PARD3: variants seen among roughly 807,000 people sequenced by gnomAD.
PARD3 encodes the protein partitioning defective 3 homolog.
PARD3 carries 75 observed loss-of-function variants against 155.4 expected under a neutral mutation model. The ratio of observed to expected loss-of-function variants is 0.48; its 90% CI spans 0.40 to 0.58. The LOEUF (loss-of-function observed/expected upper bound fraction) is 0.58. Among genes scored for constraint, PARD3 ranks in the 20% least tolerant of loss-of-function variants. PARD3 has a pLI of 0.00. For synonymous variants in PARD3, 576 were observed against 610.5 expected (o/e 0.94, Z 0.83); for missense variants, 1,642 against 1,721.7 (o/e 0.95, Z 0.82).
chr10:34,246,437 G>C (rs1372492920), intron 22 of PARD3, among the ~76,000 whole-genome samples: 3 of 152,188 alleles, frequency 2.0e-5, no homozygotes, highest in African/African-American at 7.2e-5. Flanking sequence ...GGCTTTCTGG[G>C]CACTGCAGTG....
chr10:34,690,689 T>G (rs1263729080), intron 2 of PARD3, among the ~76,000 whole-genome samples: 1 of 151,960 alleles, frequency 6.6e-6, no homozygotes, highest in African/African-American at 2.4e-5. Context: ...CCTCGCTAGC[T>G]CTATGGAAAG....
At chr10:34,362,734 A>G (rs762676415) in intron 12 of PARD3, among the ~76,000 whole-genome samples, 14 of 152,214 alleles carry the variant, frequency 9.2e-5, no homozygotes, top group Non-Finnish European at 1.8e-4. Flanking sequence ...GGCTCAAGCA[A>G]TCCACGCACT....
chr10:34,218,399 C>T (rs1348432291), intron 22 of PARD3, among the ~76,000 whole-genome samples: 7 of 152,130 alleles, frequency 4.6e-5, no homozygotes, highest in African/African-American at 1.2e-4. Context: ...AAACAAGCTA[C>T]AGATGATCAC....
chr10:34,621,139 G>A (rs961439110), intron 2 of PARD3, among the ~76,000 whole-genome samples: 4 of 152,176 alleles, frequency 2.6e-5, no homozygotes, highest in East Asian at 1.9e-4. Flanking sequence ...TCATCTGGCA[G>A]GACACATGAA....
intron 2 of PARD3, among the ~76,000 whole-genome samples, chr10:34,538,609 G>T (rs575492799): frequency 6.6e-6 from 1 of 152,330 alleles, no homozygotes; most frequent in East Asian, 1.9e-4. Flanking sequence ...GTGCTCGGGG[G>T]CTGCACACCA....
At chr10:34,725,143 GTGTGTGTGAC>G (rs1365668053) in intron 1 of PARD3, among the ~76,000 whole-genome samples, 249 of 124,916 alleles carry the variant, frequency 2.0e-3, no homozygotes, top group African/African-American at 6.3e-3. Flanking sequence ...GTGTGTGTGT[GTGTGTGTGAC>G]AGAGAGAGAG....
In PARD3 at chr10:34,651,011, C is replaced by CCA. The variant is rs1404556380; in HGVS notation, c.222+45306_222+45307insTG. On this transcript the variant is annotated intron_variant, in intron 2 of 24. Transcript: ENST00000374788. Reference sequence around the variant, plus strand: ...GGGCAACAAGAACGAAACTCTGTCTCAAAAAAAAAAAAAAAAAAAAAAAAA... The same window carrying CCA: ...GGGCAACAAGAACGAAACTCTGTCTCCAAAAAAAAAAAAAAAAAAAAAAAAAA... Among the ~76,000 whole-genome samples, 106 of 44,546 alleles carry CCA rather than the reference C, an allele frequency of 2.4e-3. 5 individuals are homozygous for CCA. Among genetic ancestry groups the CCA allele is most frequent in the Middle Eastern group, 0.016 (1 of 62 alleles). The allele number at this position is 44,546 out of a possible 152,430, so 29.2% of individuals were successfully genotyped here.
At chr10:34,453,722 T>C (rs2077181916) in intron 4 of PARD3, among the ~76,000 whole-genome samples, 1 of 152,232 alleles carries the variant, frequency 6.6e-6, no homozygotes, top group Admixed American at 6.5e-5. Context: ...CAGCATATGA[T>C]GTCTGTGGCA....
At chr10:34,806,611 G>A (rs979286345) in intron 1 of PARD3, among the ~76,000 whole-genome samples, 5 of 152,166 alleles carry the variant, frequency 3.3e-5, no homozygotes, top group East Asian at 1.9e-4. Context: ...GATTACAGGC[G>A]TGAGCCTTCT....
chr10:34,760,488 T>C (rs972061033), intron 1 of PARD3, among the ~76,000 whole-genome samples: 7 of 152,030 alleles, frequency 4.6e-5, no homozygotes, highest in African/African-American at 1.7e-4. Context: ...CCTGCCACCA[T>C]GCCCGGCTAA....
chr10:34,391,798 A>C (rs1329339207), intron 7 of PARD3, among the ~76,000 whole-genome samples: 2 of 152,260 alleles, frequency 1.3e-5, no homozygotes, highest in African/African-American at 4.8e-5. Context: ...AATAATACTT[A>C]TGAAATACAT....
intron 17 of PARD3, among the ~76,000 whole-genome samples, chr10:34,337,064 T>A (rs1426314265): frequency 6.6e-6 from 1 of 152,192 alleles, no homozygotes; most frequent in South Asian, 2.1e-4. Flanking sequence ...AAAACATATA[T>A]ATTAACATAT....
chr10:34,173,870 G>C (rs890156993), intron 22 of PARD3, among the ~76,000 whole-genome samples: 1 of 152,148 alleles, frequency 6.6e-6, no homozygotes, highest in Admixed American at 6.5e-5. Context: ...AAGTTTAACT[G>C]GTGAATGTGG....
At chr10:34,201,526 A>T (rs1412844469) in intron 22 of PARD3, among the ~76,000 whole-genome samples, 2 of 152,210 alleles carry the variant, frequency 1.3e-5, no homozygotes, top group African/African-American at 4.8e-5. Flanking sequence ...CTTTGGAGAG[A>T]GAAGTTTCAG....
At chr10:34,760,142 T>C (rs538108418) in intron 1 of PARD3, among the ~76,000 whole-genome samples, 148 of 152,278 alleles carry the variant, frequency 9.7e-4, no homozygotes, top group Non-Finnish European at 1.7e-3. Context: ...TATGTCTCTG[T>C]GTAAACCCCT....
chr10:34,477,048 C>T (rs1050148540), intron 3 of PARD3, among the ~76,000 whole-genome samples: 1 of 152,120 alleles, frequency 6.6e-6, no homozygotes, highest in African/African-American at 2.4e-5. Context: ...TTGCTTTGGC[C>T]TCGGATGAAT....
chr10:34,689,997 T>C (rs2094023924), intron 2 of PARD3, among the ~76,000 whole-genome samples: 1 of 152,116 alleles, frequency 6.6e-6, no homozygotes, highest in Non-Finnish European at 1.5e-5. Flanking sequence ...CAGGCTGGAG[T>C]ACAGTGGGCG....
At chr10:34,664,429 C>G (rs1195830584) in intron 2 of PARD3, among the ~76,000 whole-genome samples, 3 of 151,998 alleles carry the variant, frequency 2.0e-5, no homozygotes, top group African/African-American at 7.3e-5. Flanking sequence ...TCTCAAAATC[C>G]TGACCTTGTG....
rs149190160 is a variant in PARD3 at position 34,622,732 on chromosome 10, G to A, written c.222+73586C>T. Reference sequence around the variant, plus strand: ...GCTTTTGGGAAAACAAGATAATTTTGTTAGGAGAAAATCTAAGGCCGAACA... The same window carrying A: ...GCTTTTGGGAAAACAAGATAATTTTATTAGGAGAAAATCTAAGGCCGAACA... On this transcript the variant is annotated intron_variant, in intron 2 of 24. Transcript: ENST00000374788. 7.3e-5 allele frequency among the ~76,000 whole-genome samples: 11 copies of A among 151,364 alleles called. 1 individual carries two copies. Among genetic ancestry groups the A allele is most frequent in the African/African-American group, 2.7e-4 (11 of 41,188 alleles).
Sources: allele counts gnomAD v4.1 joint callset (sites outside exome capture counted in the v4.1 genomes callset), GRCh38; gene constraint gnomAD v4.1.1; transcripts MANE v1.5; gene names NCBI Gene and HGNC (gene_info 2026-07-23, HGNC 2026-07-21).